HSPA4: variants seen among roughly 807,000 people sequenced by gnomAD.
HSPA4 encodes the protein heat shock protein family A (Hsp70) member 4, also known as heat shock 70 kDa protein 4.
Under a neutral mutation model 106.2 loss-of-function variants are expected in HSPA4, and 25 were observed. The observed-to-expected ratio is 0.24, with a 90% CI of 0.17 to 0.33. The LOEUF is 0.33. HSPA4 is among the 10% of genes least tolerant of loss of function. The pLI is 1.00. For synonymous variants in HSPA4, 332 were observed against 333.6 expected (o/e 1.00, Z 0.05); for missense variants, 841 against 996.0 (o/e 0.84, Z 2.10).
intron 1 of HSPA4, among the ~76,000 whole-genome samples, chr5:133,053,693 C>G (rs529346461): frequency 4.4e-4 from 66 of 151,214 alleles, no homozygotes; most frequent in African/African-American, 1.5e-3. Context: ...GAGTCTCGCT[C>G]TGTCGCCCCA....
intron 1 of HSPA4, among the ~76,000 whole-genome samples, chr5:133,058,983 C>G (rs753199217): frequency 1.3e-5 from 2 of 151,534 alleles, no homozygotes; most frequent in Non-Finnish European, 2.9e-5. Flanking sequence ...CAAAAATTAG[C>G]TGGGTGTGGT....
chr5:133,090,822 C>G (rs1251648552), intron 11 of HSPA4, among the ~76,000 whole-genome samples: 1 of 151,674 alleles, frequency 6.6e-6, no homozygotes, highest in Non-Finnish European at 1.5e-5. Context: ...TACTGATAAA[C>G]GACAAGCAGA....
Position 133,096,123 on chromosome 5 carries a change from A to T in HSPA4, c.1676A>T (p.Lys559Ile). The T allele has an allele frequency of 6.2e-7, 1 of 1,613,976 alleles. No individual in the cohort carries two copies. Among genetic ancestry groups the T allele is most frequent in the Non-Finnish European group, 8.5e-7 (1 of 1,179,904 alleles). Residue 559 changes from lysine (K) to isoleucine (I), a missense_variant, in exon 14 of 19, where the codon AAA becomes ATA. Coordinates refer to ENST00000304858, the MANE Select transcript of HSPA4 (RefSeq NM_002154.4). ...METSQAGSKDKKMDQPPQAKK... is the reference protein window; with the variant it reads ...METSQAGSKDIKMDQPPQAKK... The stretch of plus-strand genomic sequence containing the variant: ...ACCTCTCAAGCTGGATCCAAGGATA[A>T]AAAGATGGACCAACCACCCCAAGCC...
At chr5:133,066,737 T>A (rs943170975) in intron 2 of HSPA4, among the ~76,000 whole-genome samples, 5 of 71,946 alleles carry the variant, frequency 6.9e-5, no homozygotes, top group African/African-American at 2.9e-4. Flanking sequence ...TTCTTTTTTC[T>A]TTTTTTTTTT....
At chr5:133,079,108 T>TA (rs1765484339) in intron 7 of HSPA4, among the ~76,000 whole-genome samples, 1 of 152,254 alleles carries the variant, frequency 6.6e-6, no homozygotes. Context: ...ATATTTCTTT[T>TA]AATTAATGGT....
intron 1 of HSPA4, among the ~76,000 whole-genome samples, chr5:133,053,666 A>G (rs1765113477): frequency 1.4e-5 from 2 of 146,332 alleles, no homozygotes; most frequent in African/African-American, 2.6e-5. Context: ...CTCACTTGTT[A>G]TTGATTGATT....
chr5:133,062,234 T>C (rs1432838306), intron 1 of HSPA4, among the ~76,000 whole-genome samples: 5 of 152,278 alleles, frequency 3.3e-5, no homozygotes, highest in Non-Finnish European at 7.4e-5. Context: ...TCAGAGTTAC[T>C]GACATAGAAT....
intron 13 of HSPA4, among the ~76,000 whole-genome samples, chr5:133,094,540 G>A (rs1208803520): frequency 6.6e-6 from 1 of 152,200 alleles, no homozygotes; most frequent in Non-Finnish European, 1.5e-5. Context: ...CCTTTATGTT[G>A]TTGGGTGGGA....
chr5:133,073,280 A>T lies in HSPA4; in HGVS notation c.480A>T (p.Thr160=), dbSNP rs1222567777. 6 of 1,612,924 alleles carry T rather than the reference A, an allele frequency of 3.7e-6. No homozygotes were observed. Among genetic ancestry groups the T allele is most frequent in the Non-Finnish European group, 5.1e-6 (6 of 1,179,356 alleles). Residue 160 remains threonine, a synonymous_variant, in exon 5 of 19, where the codon ACA becomes ACT. Transcript: ENST00000304858. The stretch of plus-strand genomic sequence containing the variant: ...AAAGACGATCAGTGATGGATGCAAC[A>T]CAGATTGCTGGTCTTAATTGCTTGC... ...DAERRSVMDA[T]QIAGLNCLRL...
Position 133,052,348 on chromosome 5 carries a change from G to A in HSPA4, c.98G>A (p.Arg33His). ...ACTATCGCTAATGAGTATAGCGACCGCTGCACGCCGTAAGTGTGGGCCGGG... is the reference window on the plus strand; with the variant it reads ...ACTATCGCTAATGAGTATAGCGACCACTGCACGCCGTAAGTGTGGGCCGGG... ...IETIANEYSD[R>H]CTPACISFGP... Residue 33 changes from arginine to histidine, a missense_variant, in exon 1 of 19, where the codon CGC (arginine) becomes CAC (histidine). Around this residue, in one of 5 missense-constraint regions of HSPA4, gnomAD observed 347 missense variants for 408.7 expected, o/e 0.85. Transcript: ENST00000304858. 2 of 1,554,756 alleles carry A rather than the reference G, an allele frequency of 1.3e-6. No individual in the cohort carries two copies. Among genetic ancestry groups the A allele is most frequent in the Non-Finnish European group, 1.7e-6 (2 of 1,152,132 alleles).
chr5:133,104,891 G>T lies in HSPA4; in HGVS notation c.*455G>T. The stretch of plus-strand genomic sequence containing the variant: ...GGATGGGGTCCCCCTCTTTGTGAGG[G>T]CTGGAGCATGGCACGGCATGGATTA... On this transcript the variant is annotated 3_prime_UTR_variant, in exon 19 of 19. Coordinates refer to ENST00000304858, the MANE Select transcript of HSPA4 (RefSeq NM_002154.4). 1 of 173,196 alleles carries T rather than the reference G, an allele frequency of 5.8e-6. No homozygotes were observed. The allele number at this position is 173,196 out of a possible 1,614,324, so 10.7% of individuals were successfully genotyped here.
intron 7 of HSPA4, among the ~76,000 whole-genome samples, chr5:133,077,314 C>T (rs1487454723): frequency 6.6e-6 from 1 of 152,140 alleles, no homozygotes; most frequent in Admixed American, 6.5e-5. Context: ...TCTCAACTCA[C>T]TGCAACCTCC....
chr5:133,099,060 A>G (rs1279754565), intron 15 of HSPA4, among the ~76,000 whole-genome samples: 1 of 152,178 alleles, frequency 6.6e-6, no homozygotes, highest in African/African-American at 2.4e-5. Flanking sequence ...AAAACTCCCC[A>G]TACCTATCAA....
At chr5:133,094,275 T>G (rs933521376) in intron 13 of HSPA4, among the ~76,000 whole-genome samples, 1 of 152,210 alleles carries the variant, frequency 6.6e-6, no homozygotes, top group African/African-American at 2.4e-5. Context: ...AAAATTACAA[T>G]GTATAATCTC....
At chr5:133,082,881 A>G (rs2126707549) in intron 7 of HSPA4, among the ~76,000 whole-genome samples, 1 of 152,244 alleles carries the variant, frequency 6.6e-6, no homozygotes, top group East Asian at 1.9e-4. Context: ...CACGCCTGTA[A>G]TCCCAGCATT....
intron 6 of HSPA4, among the ~76,000 whole-genome samples, chr5:133,074,731 A>G (rs998335090): frequency 1.3e-5 from 2 of 152,194 alleles, no homozygotes; most frequent in Non-Finnish European, 2.9e-5. Context: ...GGAATTATAG[A>G]TTTCTAGAAA....
intron 1 of HSPA4, among the ~76,000 whole-genome samples, chr5:133,060,747 A>T (rs1033318981): frequency 1.3e-5 from 2 of 151,818 alleles, no homozygotes; most frequent in South Asian, 2.1e-4. Context: ...ACTTTTTTTT[A>T]AAATCCCACA....
chr5:133,070,843 G>A (rs1161614707), intron 4 of HSPA4, among the ~76,000 whole-genome samples: 1 of 152,216 alleles, frequency 6.6e-6, no homozygotes, highest in South Asian at 2.1e-4. Flanking sequence ...CTGAGGTTGC[G>A]GTGAGCCGAG....
At chr5:133,089,315 G>A (rs1765616003) in intron 10 of HSPA4, among the ~76,000 whole-genome samples, 154 bp downstream of exon 10, 1 of 152,152 alleles carries the variant, frequency 6.6e-6, no homozygotes, top group Admixed American at 6.5e-5. Flanking sequence ...ATAAATTTGT[G>A]TCCTTAATTA....
Sources: gnomAD v4.1 joint callset for allele counts (sites outside exome capture counted in the v4.1 genomes callset) on GRCh38, gnomAD v4.1.1 for gene constraint, gnomAD v4.1.1 regional missense constraint, MANE v1.5 for transcripts, NCBI Gene and HGNC (gene_info 2026-07-23, HGNC 2026-07-21) for gene names.